Variants in BANK1 observed in about 807,000 individuals in gnomAD.
BANK1 encodes B cell scaffold protein with ankyrin repeats 1.
BANK1 carries 95 observed loss-of-function variants against 94.5 expected under a neutral mutation model. The ratio of observed to expected loss-of-function variants is 1.00; its 90% CI spans 0.85 to 1.19. The LOEUF (loss-of-function observed/expected upper bound fraction) is 1.19. Among genes scored for constraint, BANK1 ranks in the 50% most tolerant of loss-of-function variants. BANK1 has a pLI of 0.00. For synonymous variants in BANK1, 334 were observed against 308.4 expected, an observed-to-expected ratio of 1.08 and a Z score of -0.87; for missense variants, 987 against 932.2, an observed-to-expected ratio of 1.06 and a Z score of -0.77.
intron 6 of BANK1, among the ~76,000 whole-genome samples, chr4:101,915,078 A>G (rs1722785439): frequency 6.6e-6 from 1 of 152,294 alleles, no homozygotes; most frequent in South Asian, 2.1e-4. Context: ...TTACAAACAA[A>G]TTTTGTGAGT....
At chr4:101,856,615 CACTGTAAG>C (rs1727689669) in intron 3 of BANK1, among the ~76,000 whole-genome samples, 1 of 152,132 alleles carries the variant, frequency 6.6e-6, no homozygotes, top group Non-Finnish European at 1.5e-5. Context: ...AAAATTCGAG[CACTGTAAG>C]ACCCTTCTCT....
intron 7 of BANK1, among the ~76,000 whole-genome samples, chr4:101,995,838 G>A (rs1421230190): frequency 6.6e-6 from 1 of 152,024 alleles, no homozygotes; most frequent in Non-Finnish European, 1.5e-5. Context: ...GTAGATTCTG[G>A]ATATTAGCCC....
chr4:101,875,714 G>T (rs1728466474), intron 5 of BANK1, among the ~76,000 whole-genome samples: 1 of 152,184 alleles, frequency 6.6e-6, no homozygotes, highest in African/African-American at 2.4e-5. Context: ...ATGTAAACCA[G>T]CCCTAGCCAG....
intron 7 of BANK1, among the ~76,000 whole-genome samples, chr4:101,993,596 T>A (rs1725779667): frequency 6.6e-6 from 1 of 152,194 alleles, no homozygotes; most frequent in Non-Finnish European, 1.5e-5. Flanking sequence ...AAATGCATGC[T>A]GATAGAGCAC....
chr4:102,054,906 G>A (rs1279513735), intron 11 of BANK1, among the ~76,000 whole-genome samples: 1 of 151,960 alleles, frequency 6.6e-6, no homozygotes, highest in East Asian at 1.9e-4. Context: ...TTCTGCTTTT[G>A]GGAAACAACT....
At chr4:102,013,725 G>A (rs576046902) in intron 7 of BANK1, among the ~76,000 whole-genome samples, 1 of 151,660 alleles carries the variant, frequency 6.6e-6, no homozygotes, top group Admixed American at 6.6e-5. Flanking sequence ...AAGATTTGGA[G>A]GTCTTTATTT....
In BANK1 at chr4:101,923,591, G is replaced by C. The variant is rs117037062; in HGVS notation, c.1206+5402G>C. Among the ~76,000 whole-genome samples, 10 of 151,888 alleles carry C rather than the reference G, an allele frequency of 6.6e-5. No homozygotes were observed. The East Asian group carries it at 2.0e-3, about 30-fold the overall frequency. ...GGTTCTTTCTGCACTCTCTTCACTT[G>C]TGATTAAAAGGCAGTGTCATAGCTG... On this transcript the variant is annotated intron_variant, in intron 7 of 16. Transcript: ENST00000322953.
chr4:101,849,520 T>TAC (rs1358815429), intron 2 of BANK1, among the ~76,000 whole-genome samples: 5 of 151,976 alleles, frequency 3.3e-5, no homozygotes, highest in South Asian at 2.1e-4. Context: ...CACACACATA[T>TAC]ACACACACAC....
intron 7 of BANK1, among the ~76,000 whole-genome samples, chr4:102,004,391 C>T (rs1265588362): frequency 6.6e-6 from 1 of 152,166 alleles, no homozygotes; most frequent in African/African-American, 2.4e-5. Context: ...TTGCACATGA[C>T]AAAGAAAGAA....
chr4:101,889,592 G>A (rs1391513652), intron 5 of BANK1, among the ~76,000 whole-genome samples: 1 of 108,414 alleles, frequency 9.2e-6, no homozygotes, highest in Non-Finnish European at 1.7e-5. Flanking sequence ...GCGACAGAGC[G>A]AGACTCCGTC....
intron 7 of BANK1, among the ~76,000 whole-genome samples, chr4:101,946,187 G>T (rs1723922394): frequency 6.6e-6 from 1 of 151,904 alleles, no homozygotes. Context: ...GAAGACATCA[G>T]ATCTTTTATA....
intron 4 of BANK1, among the ~76,000 whole-genome samples, chr4:101,870,161 G>A (rs1399063498): frequency 6.6e-6 from 1 of 151,814 alleles, no homozygotes; most frequent in African/African-American, 2.4e-5. Flanking sequence ...TTTGATAAAT[G>A]GCTATACTTT....
At chr4:101,970,105 T>C (rs1381053606) in intron 7 of BANK1, among the ~76,000 whole-genome samples, 1 of 152,138 alleles carries the variant, frequency 6.6e-6, no homozygotes, top group Non-Finnish European at 1.5e-5. Flanking sequence ...AATCCTCTGT[T>C]TCCTCCTCTA....
chr4:101,850,028 A>G (rs1727411950), intron 2 of BANK1, among the ~76,000 whole-genome samples: 1 of 152,216 alleles, frequency 6.6e-6, no homozygotes, highest in South Asian at 2.1e-4. Flanking sequence ...CTCACAGAAT[A>G]TAAGAGCTGT....
Position 101,831,975 on chromosome 4 carries a change from A to C in BANK1, c.469+1769A>C, listed in dbSNP as rs147658111. 4.6e-5 allele frequency among the ~76,000 whole-genome samples: 7 copies of C among 152,346 alleles called. No individual in the cohort carries two copies. In the East Asian group the frequency reaches 1.4e-3, roughly 29 times the overall value. Reference sequence around the variant, plus strand: ...AAGTGAAGATCTGCTAACAGGGCTTACATTGTTGACAGTTTCCTTTGTTAT... The same window carrying C: ...AAGTGAAGATCTGCTAACAGGGCTTCCATTGTTGACAGTTTCCTTTGTTAT... On this transcript the variant is annotated intron_variant, in intron 2 of 16. Coordinates refer to ENST00000322953, the MANE Select transcript of BANK1 (RefSeq NM_017935.5).
At chr4:101,974,620 A>G (rs1725063005) in intron 7 of BANK1, among the ~76,000 whole-genome samples, 1 of 152,146 alleles carries the variant, frequency 6.6e-6, no homozygotes, top group African/African-American at 2.4e-5. Context: ...CCTAAATCTA[A>G]TACATTTTAA....
rs185015470 is a variant in BANK1, at chr4:101,994,919, C to T, written c.1207-26595C>T. On this transcript the variant is annotated intron_variant, in intron 7 of 16. Transcript: ENST00000322953. ...CTTTTTTTATCCCAACTTTTGAATT[C>T]TTATTGTCATAATTTACTTTTTGAT... is the stretch of plus-strand genomic sequence containing the variant. Among the ~76,000 whole-genome samples the T allele has an allele frequency of 8.9e-4, 135 of 152,144 alleles. 1 individual carries two copies. Among genetic ancestry groups the T allele is most frequent in the African/African-American group, 3.1e-3 (128 of 41,512 alleles).
intron 7 of BANK1, among the ~76,000 whole-genome samples, chr4:101,957,296 A>T (rs983042402): frequency 2.6e-5 from 4 of 152,102 alleles, no homozygotes; most frequent in African/African-American, 7.2e-5. Flanking sequence ...ATAGACTGGG[A>T]ATATTACTAC....
intron 10 of BANK1, among the ~76,000 whole-genome samples, chr4:102,034,987 C>G (rs1727451353): frequency 6.6e-6 from 1 of 152,198 alleles, no homozygotes; most frequent in Non-Finnish European, 1.5e-5. Context: ...CCCATTGTAT[C>G]TCTGGTGCCA....
Sources: gnomAD v4.1 joint callset for allele counts (sites outside exome capture counted in the v4.1 genomes callset) on GRCh38, gnomAD v4.1.1 for gene constraint, MANE v1.5 for transcripts, NCBI Gene and HGNC (gene_info 2026-07-23, HGNC 2026-07-21) for gene names.